NLGN1: variants seen among roughly 807,000 people sequenced by gnomAD.
The protein encoded by NLGN1 is neuroligin 1.
A neutral mutation model predicts 65.5 loss-of-function variants in NLGN1; 12 were observed. The observed-to-expected ratio is 0.18, with a 90% confidence interval of 0.12 to 0.30. The LOEUF (loss-of-function observed/expected upper bound fraction) is 0.30, where lower values mean the gene tolerates loss of function less well. Among genes scored for constraint, NLGN1 ranks in the 10% least tolerant of loss-of-function variants. The pLI, the probability that NLGN1 is intolerant of heterozygous loss-of-function variation, is 1.00. For synonymous variants in NLGN1, 350 were observed against 359.5 expected (o/e 0.97, Z 0.30); for missense variants, 750 against 1,007.1 (o/e 0.74, Z 3.46).
At chr3:173,832,542 A>C (rs920074418) in intron 4 of NLGN1, among the ~76,000 whole-genome samples, 1 of 152,242 alleles carries the variant, frequency 6.6e-6, no homozygotes, top group African/African-American at 2.4e-5. Flanking sequence ...CATTAAAAAC[A>C]AAAAGGTATG....
intron 2 of NLGN1, among the ~76,000 whole-genome samples, chr3:173,532,677 C>A (rs1161224687): frequency 1.3e-5 from 2 of 152,064 alleles, no homozygotes; most frequent in Admixed American, 6.6e-5. Flanking sequence ...ACATTTGTTT[C>A]TTTTTTATTT....
chr3:174,283,267 C>T (rs1201286068), exon 7 of NLGN1: 2 of 151,324 alleles, frequency 1.3e-5, no homozygotes, highest in Non-Finnish European at 3.0e-5. Context: ...TATTTAAAGG[C>T]AAGTCTCATC....
intron 4 of NLGN1, among the ~76,000 whole-genome samples, chr3:174,258,661 T>C (rs1471434596): frequency 6.6e-6 from 1 of 152,166 alleles, no homozygotes; most frequent in African/African-American, 2.4e-5. Flanking sequence ...GTAACCTGAA[T>C]ATAATTATGA....
chr3:173,492,342 A>C (rs189653891), intron 2 of NLGN1, among the ~76,000 whole-genome samples: 30 of 151,932 alleles, frequency 2.0e-4, no homozygotes, highest in Admixed American at 1.8e-3. Flanking sequence ...AATGAGCCTA[A>C]GCATTTCATG....
intron 5 of NLGN1, among the ~76,000 whole-genome samples, chr3:174,278,184 T>TTTTC (rs1278992011): frequency 6.6e-6 from 1 of 151,978 alleles, no homozygotes; most frequent in African/African-American, 2.4e-5. Context: ...GCTGATGGTT[T>TTTTC]TTTCTTTAAC....
intron 4 of NLGN1, among the ~76,000 whole-genome samples, chr3:174,132,572 G>A (rs1042379499): frequency 6.6e-6 from 1 of 151,986 alleles, no homozygotes; most frequent in African/African-American, 2.4e-5. Context: ...AAACCTTTTG[G>A]ATTAATCATC....
intron 4 of NLGN1, among the ~76,000 whole-genome samples, chr3:174,203,065 G>T (rs1411248682): frequency 2.6e-5 from 4 of 152,082 alleles, no homozygotes; most frequent in East Asian, 1.9e-4. Context: ...GACCCAAAAA[G>T]ATAAGTCTAT....
chr3:174,073,090 A>T (rs892901902), intron 4 of NLGN1, among the ~76,000 whole-genome samples: 1 of 152,148 alleles, frequency 6.6e-6, no homozygotes, highest in Non-Finnish European at 1.5e-5. Flanking sequence ...TATGATATTG[A>T]TATAAATATA....
intron 3 of NLGN1, among the ~76,000 whole-genome samples, chr3:173,733,438 ATTG>A (rs1424428962): frequency 6.6e-6 from 1 of 151,790 alleles, no homozygotes; most frequent in African/African-American, 2.4e-5. Context: ...TTCTCTAATC[ATTG>A]TTCCCTTTTC....
At chr3:174,115,501 A>G (rs1424576087) in intron 4 of NLGN1, among the ~76,000 whole-genome samples, 1 of 152,212 alleles carries the variant, frequency 6.6e-6, no homozygotes, top group Admixed American at 6.5e-5. Flanking sequence ...ACACAGATAT[A>G]TAAAACCACC....
intron 4 of NLGN1, among the ~76,000 whole-genome samples, chr3:174,168,716 C>G (rs541064316): frequency 6.6e-6 from 1 of 151,714 alleles, no homozygotes; most frequent in East Asian, 1.9e-4. Flanking sequence ...CTGCTCAGCC[C>G]TAGGTGGTGT....
At chr3:174,033,106 ATTATAAAATACTTC>A (rs904970061) in intron 4 of NLGN1, among the ~76,000 whole-genome samples, 10 of 152,130 alleles carry the variant, frequency 6.6e-5, no homozygotes, top group Admixed American at 6.5e-4. Context: ...AAATCATAAG[ATTATAAAATACTTC>A]TTCTCCCCCA....
At chr3:173,605,482 C>T (rs1379556931) in intron 3 of NLGN1, 52 bp from the exon 3 acceptor site, 15 of 979,574 alleles carry the variant, frequency 1.5e-5, no homozygotes, top group East Asian at 5.9e-5. Flanking sequence ...CATGTTCCGG[C>T]GGTCTATGAT....
intron 4 of NLGN1, among the ~76,000 whole-genome samples, chr3:173,809,179 G>A (rs1465569605): frequency 6.6e-6 from 1 of 152,084 alleles, no homozygotes; most frequent in Admixed American, 6.5e-5. Flanking sequence ...ATCATCCATT[G>A]CTTCAAACAT....
intron 2 of NLGN1, among the ~76,000 whole-genome samples, chr3:173,539,408 A>G (rs1017123436): frequency 2.0e-5 from 3 of 146,652 alleles, no homozygotes; most frequent in African/African-American, 7.5e-5. Flanking sequence ...TATATGTTAT[A>G]TATTATATAT....
At chr3:173,600,833 T>C (rs562793274) in intron 2 of NLGN1, among the ~76,000 whole-genome samples, 6 of 151,866 alleles carry the variant, frequency 4.0e-5, no homozygotes, top group African/African-American at 1.4e-4. Flanking sequence ...GCTTGCACAT[T>C]GTAAATATCT....
intron 4 of NLGN1, among the ~76,000 whole-genome samples, chr3:174,047,574 A>G (rs1345027514): frequency 1.3e-5 from 2 of 152,084 alleles, no homozygotes; most frequent in African/African-American, 4.8e-5. Context: ...AGGAGAGATA[A>G]GATAAATGAA....
Position 173,977,107 on chromosome 3 carries a change from G to GCACA in NLGN1, c.646+169287_646+169290dup, listed in dbSNP as rs921505579. Among the ~76,000 whole-genome samples the GCACA allele has an allele frequency of 5.8e-5, 7 of 120,392 alleles. No homozygotes were observed. The South Asian group carries it at 7.6e-4, about 13-fold the overall frequency. The allele number at this position is 120,392 out of a possible 152,430, so 79.0% of individuals were successfully genotyped here. ...AGGAAAAAGATACACACACACACAC[G>GCACA]CACACACACACACACGCACACACAC... is the stretch of plus-strand genomic sequence containing the variant. On this transcript the variant is annotated intron_variant, in intron 4 of 6. Coordinates refer to ENST00000457714, the Ensembl canonical transcript of NLGN1.
chr3:173,413,695 A>G lies in NLGN1; in HGVS notation c.-390+15208A>G, dbSNP rs187275129. ...ATCTACAGCAATTTTGTTAACTTCCAAAACTCTGGAAGACATTGGTTATCA... is the reference window on the plus strand; with the variant it reads ...ATCTACAGCAATTTTGTTAACTTCCGAAACTCTGGAAGACATTGGTTATCA... On this transcript the variant is annotated intron_variant, in intron 1 of 6. Transcript: ENST00000457714. 2.6e-5 allele frequency among the ~76,000 whole-genome samples: 4 copies of G among 152,324 alleles called. No homozygotes were observed. In the East Asian group the frequency reaches 7.7e-4, roughly 29 times the overall value.
Sources: gnomAD v4.1 joint callset for allele counts (sites outside exome capture counted in the v4.1 genomes callset) on GRCh38, gnomAD v4.1.1 for gene constraint, MANE v1.5 for transcripts, NCBI Gene and HGNC (gene_info 2026-07-23, HGNC 2026-07-21) for gene names.